The following RARB variants were observed in gnomAD, a reference collection of about 807,000 sequenced individuals.
RARB encodes the protein retinoic acid receptor beta, also known as HBV-activated protein.
A neutral mutation model predicts 51.9 loss-of-function variants in RARB; 17 were observed. The ratio of observed to expected loss-of-function variants is 0.33; its 90% CI spans 0.22 to 0.49. RARB has a LOEUF of 0.49. Among genes scored for constraint, RARB ranks in the 20% least tolerant of loss-of-function variants. RARB has a pLI of 0.99. For missense variants in RARB, 369 were observed against 550.8 expected (o/e 0.67, Z 3.30); for synonymous variants, 215 against 195.4 (o/e 1.10, Z -0.84).
chr3:24,983,611 C>G (rs1018056087), intron 2 of RARB, among the ~76,000 whole-genome samples: 7 of 152,116 alleles, frequency 4.6e-5, no homozygotes, highest in African/African-American at 1.7e-4. Flanking sequence ...TCAACCCCCA[C>G]TTATGAGTGA....
At chr3:25,079,292 C>T (rs183784172) in intron 3 of RARB, among the ~76,000 whole-genome samples, 1 of 152,166 alleles carries the variant, frequency 6.6e-6, no homozygotes, top group Non-Finnish European at 1.5e-5. Context: ...TTGTAATGGA[C>T]AAATCATAGT....
intron 2 of RARB, among the ~76,000 whole-genome samples, chr3:24,932,020 C>T (rs1695451713): frequency 6.6e-6 from 1 of 152,046 alleles, no homozygotes; most frequent in Non-Finnish European, 1.5e-5. Flanking sequence ...CAACTGAATG[C>T]CAAGTTCCAT....
intron 2 of RARB, among the ~76,000 whole-genome samples, chr3:25,008,508 A>G (rs1000715431): frequency 3.9e-5 from 6 of 152,198 alleles, no homozygotes; most frequent in African/African-American, 1.2e-4. Context: ...AGCCTCCCCA[A>G]GAGTACTGCT....
intron 2 of RARB, among the ~76,000 whole-genome samples, chr3:25,006,439 C>T (rs922676673): frequency 5.9e-5 from 9 of 152,220 alleles, no homozygotes; most frequent in East Asian, 1.9e-4. Context: ...ATAAAGAAAA[C>T]TACCCATCTG....
intron 2 of RARB, among the ~76,000 whole-genome samples, chr3:25,059,715 C>T (rs1041203834): frequency 2.0e-5 from 3 of 151,394 alleles, no homozygotes; most frequent in East Asian, 1.9e-4. Context: ...CAAGAGAATA[C>T]GAGTAATAGA....
chr3:24,951,776 A>C (rs2125406122), intron 2 of RARB, among the ~76,000 whole-genome samples: 1 of 152,326 alleles, frequency 6.6e-6, no homozygotes, highest in Non-Finnish European at 1.5e-5. Flanking sequence ...TCCTTTGGTC[A>C]TTTAATCCCC....
chr3:25,374,695 A>C (rs550774017), intron 5 of RARB, among the ~76,000 whole-genome samples: 1 of 152,240 alleles, frequency 6.6e-6, no homozygotes, highest in Non-Finnish European at 1.5e-5. Flanking sequence ...AAGAATGGAG[A>C]GTAGATCATA....
chr3:25,510,090 T>C (rs925874770), intron 3 of RARB, among the ~76,000 whole-genome samples: 1 of 152,284 alleles, frequency 6.6e-6, no homozygotes, highest in East Asian at 1.9e-4. Context: ...CCCCAAGACT[T>C]CAGGTTATCC....
intron 3 of RARB, among the ~76,000 whole-genome samples, chr3:25,078,751 G>A (rs934448980): frequency 1.3e-5 from 2 of 152,052 alleles, no homozygotes; most frequent in South Asian, 2.1e-4. Context: ...GGCTGGTCTC[G>A]AACTCCCGAC....
intron 2 of RARB, among the ~76,000 whole-genome samples, chr3:24,869,306 A>G (rs917610433): frequency 3.9e-5 from 6 of 152,162 alleles, no homozygotes; most frequent in Non-Finnish European, 7.4e-5. Flanking sequence ...GATGTATTGG[A>G]AAAAGATTTT....
At position 25,106,463 on chromosome 3, in the gene RARB, T is replaced by G. The variant is rs11426267; in HGVS notation, c.-327-25698T>G. On this transcript the variant is annotated intron_variant, in intron 3 of 11. Transcript: ENST00000383772. ...GCTACTGTTTTTTGTTTTTTGTTTT[T>G]TTTTGTTTTGTTTTTTTTTTGTAGA... is the stretch of plus-strand genomic sequence containing the variant. Among the ~76,000 whole-genome samples, 786 of 125,516 alleles carry G rather than the reference T, an allele frequency of 6.3e-3. 42 individuals carry two copies. The highest frequency in any genetic ancestry group is 0.023 in the Middle Eastern group (6 of 262). The allele number at this position is 125,516 out of a possible 152,430, so 82.3% of individuals were successfully genotyped here. A position where few individuals can be genotyped will look rare whatever the true frequency, so the allele number is the denominator to read the frequency against.
chr3:25,496,702 T>C (rs1374162263), intron 2 of RARB, among the ~76,000 whole-genome samples: 1 of 152,184 alleles, frequency 6.6e-6, no homozygotes, highest in African/African-American at 2.4e-5. Context: ...AATACCATGA[T>C]TGCCTAGGAG....
At chr3:24,960,113 A>G (rs944135735) in intron 2 of RARB, among the ~76,000 whole-genome samples, 8 of 152,200 alleles carry the variant, frequency 5.3e-5, no homozygotes, top group Admixed American at 3.3e-4. Flanking sequence ...AGTTTCTCCT[A>G]TAATGTTCTT....
intron 2 of RARB, among the ~76,000 whole-genome samples, chr3:24,986,880 C>T (rs1309756896): frequency 6.6e-6 from 1 of 152,138 alleles, no homozygotes; most frequent in Non-Finnish European, 1.5e-5. Flanking sequence ...ACAGTTTTAC[C>T]TCTCAGTGGG....
intron 4 of RARB, among the ~76,000 whole-genome samples, chr3:25,155,122 T>C (rs1019815096): frequency 1.6e-4 from 24 of 152,246 alleles, no homozygotes; most frequent in African/African-American, 5.3e-4. Flanking sequence ...TGCATTATAT[T>C]CCATCTAAAA....
intron 2 of RARB, among the ~76,000 whole-genome samples, chr3:24,862,520 G>C (rs1284546571): frequency 6.6e-6 from 1 of 152,138 alleles, no homozygotes; most frequent in Non-Finnish European, 1.5e-5. Context: ...GTGATTCTTA[G>C]TATCACAATA....
chr3:25,333,818 A>C (rs971700976), intron 5 of RARB, among the ~76,000 whole-genome samples: 1 of 152,246 alleles, frequency 6.6e-6, no homozygotes, highest in African/African-American at 2.4e-5. Flanking sequence ...AAAGAACTTA[A>C]ACGGATTTAC....
chr3:25,253,026 A>T (rs1992060), intron 5 of RARB, among the ~76,000 whole-genome samples: 2 of 152,088 alleles, frequency 1.3e-5, no homozygotes, highest in Non-Finnish European at 2.9e-5. Flanking sequence ...TATGTAAGTT[A>T]AGCTGAACTG....
intron 2 of RARB, among the ~76,000 whole-genome samples, chr3:24,920,172 T>G (rs1695188681): frequency 6.6e-6 from 1 of 152,244 alleles, no homozygotes; most frequent in Non-Finnish European, 1.5e-5. Flanking sequence ...GGGACTACTT[T>G]TAATTTGGCA....
Sources: gnomAD v4.1 joint callset for allele counts (sites outside exome capture counted in the v4.1 genomes callset) on GRCh38, gnomAD v4.1.1 for gene constraint, MANE v1.5 for transcripts, NCBI Gene and HGNC (gene_info 2026-07-23, HGNC 2026-07-21) for gene names.